Variants in ELMO1 observed in about 807,000 individuals in gnomAD.
ELMO1 encodes engulfment and cell motility 1.
ELMO1 carries 26 observed loss-of-function variants against 98.9 expected under a neutral mutation model. The observed-to-expected ratio is 0.26, with a 90% CI of 0.19 to 0.36. The LOEUF (loss-of-function observed/expected upper bound fraction) is 0.36. Among genes scored for constraint, ELMO1 ranks in the 10% least tolerant of loss-of-function variants. The probability of loss-of-function intolerance (pLI) is 1.00; values close to 1 mark genes in which losing one functional copy is unlikely to be tolerated. For synonymous variants in ELMO1, 346 were observed against 346.0 expected, an observed-to-expected ratio of 1.00 and a Z score of 0.00; for missense variants, 627 against 935.2, an observed-to-expected ratio of 0.67 and a Z score of 4.30.
chr7:37,030,626 G>GA (rs1399163069), intron 15 of ELMO1, among the ~76,000 whole-genome samples: 9 of 152,082 alleles, frequency 5.9e-5, no homozygotes, highest in African/African-American at 2.2e-4. Flanking sequence ...CCTCACAGGG[G>GA]AAAAAAGCAT....
At chr7:36,988,737 T>G (rs185506554) in intron 16 of ELMO1, among the ~76,000 whole-genome samples, 107 of 152,286 alleles carry the variant, frequency 7.0e-4, no homozygotes, top group Non-Finnish European at 1.3e-3. Context: ...CAACATGGCA[T>G]CTTTGAAAAT....
chr7:37,174,089 C>T (rs1463926966), intron 13 of ELMO1, among the ~76,000 whole-genome samples: 1 of 152,194 alleles, frequency 6.6e-6, no homozygotes, highest in Non-Finnish European at 1.5e-5. Context: ...TAAATGAAAC[C>T]ATGACTGGGG....
intron 2 of ELMO1, among the ~76,000 whole-genome samples, chr7:37,331,327 G>A (rs902361358): frequency 1.2e-4 from 7 of 58,498 alleles, no homozygotes; most frequent in Admixed American, 6.6e-4. Context: ...CAGCCGCCAC[G>A]CCTGGCTTTT....
intron 4 of ELMO1, among the ~76,000 whole-genome samples, chr7:37,293,554 C>T (rs1313000113): frequency 1.8e-5 from 2 of 112,520 alleles, no homozygotes; most frequent in African/African-American, 5.8e-5. Context: ...ACTCCCTAAT[C>T]TCAAGTACCC....
chr7:37,182,462 CTTTTTTTT>C lies in ELMO1; in HGVS notation c.1086+28916_1086+28923del, dbSNP rs59657539. On this transcript the variant is annotated intron_variant, in intron 13 of 21. Transcript: ENST00000310758. Reference sequence around the variant, plus strand: ...AGATCATGAGTGCTCTTGTGCTCTACTTTTTTTTTTTTTTTTTTTTTTTTTTGAGACGG... The same window carrying C: ...AGATCATGAGTGCTCTTGTGCTCTACTTTTTTTTTTTTTTTTTTGAGACGG... Among the ~76,000 whole-genome samples, 42 of 14,702 alleles carry C rather than the reference CTTTTTTTT, an allele frequency of 2.9e-3. 3 individuals are homozygous for C. Among genetic ancestry groups the C allele is most frequent in the Admixed American group, 5.1e-3 (7 of 1,364 alleles). 9.6% of individuals were successfully genotyped at this position (14,702 alleles called of 152,430 possible). A position where few individuals can be genotyped will look rare whatever the true frequency, so the allele number is the denominator to read the frequency against.
chr7:37,368,197 G>A (rs1262106283), intron 1 of ELMO1, among the ~76,000 whole-genome samples: 2 of 152,098 alleles, frequency 1.3e-5, no homozygotes, highest in African/African-American at 2.4e-5. Context: ...AAGAAGGGGG[G>A]TGGCAAATTT....
chr7:37,172,280 G>A (rs1044894081), intron 13 of ELMO1, among the ~76,000 whole-genome samples: 1 of 150,690 alleles, frequency 6.6e-6, no homozygotes, highest in Non-Finnish European at 1.5e-5. Context: ...AGGGTTGAGG[G>A]TGGAGAGAGA....
chr7:36,998,203 C>T (rs2129158708), intron 16 of ELMO1, among the ~76,000 whole-genome samples: 1 of 152,278 alleles, frequency 6.6e-6, no homozygotes, highest in East Asian at 1.9e-4. Context: ...TGATGTCTCT[C>T]TTCTTCATCA....
intron 16 of ELMO1, among the ~76,000 whole-genome samples, chr7:36,990,136 G>C (rs10227899): frequency 0.24 from 37,124 of 152,026 alleles, 5,770 homozygotes; most frequent in African/African-American, 0.45. Context: ...AAGAATTTTT[G>C]CATGGGATCT....
intron 16 of ELMO1, among the ~76,000 whole-genome samples, chr7:36,945,342 C>T (rs1468068868): frequency 1.3e-5 from 2 of 152,070 alleles, no homozygotes; most frequent in Non-Finnish European, 2.9e-5. Flanking sequence ...AAAGGGCTTA[C>T]AATACAAATG....
At chr7:36,904,472 C>G (rs1783813762) in intron 16 of ELMO1, among the ~76,000 whole-genome samples, 1 of 152,164 alleles carries the variant, frequency 6.6e-6, no homozygotes, top group East Asian at 1.9e-4. Context: ...TTGGTGTTAG[C>G]CCCCTAAATA....
chr7:36,921,715 C>T (rs13230047), intron 16 of ELMO1, among the ~76,000 whole-genome samples: 2,804 of 152,252 alleles, frequency 0.018, 39 homozygotes, highest in Middle Eastern at 0.079. Flanking sequence ...CCAAAATGCT[C>T]TTCAGTGAAG....
In ELMO1 at chr7:37,216,215, C is replaced by G. The variant is rs543328268; in HGVS notation, c.831+430G>C. On this transcript the variant is annotated intron_variant, in intron 11 of 21. Transcript: ENST00000310758. ...GCTCCTATCTATATCTTTCCTTCCT[C>G]TCTCTTGCATGCGGGCCCCCAAAAC... Among the ~76,000 whole-genome samples, 6 of 151,838 alleles carry G rather than the reference C, an allele frequency of 4.0e-5. No homozygotes were observed. The East Asian group carries it at 1.2e-3, about 29-fold the overall frequency.
chr7:36,933,928 A>T (rs1786275159), intron 16 of ELMO1, among the ~76,000 whole-genome samples: 1 of 152,192 alleles, frequency 6.6e-6, no homozygotes, highest in Non-Finnish European at 1.5e-5. Context: ...TACAGCAATT[A>T]TTTACTGAGT....
At chr7:37,421,752 A>T (rs1804482230) in intron 1 of ELMO1, among the ~76,000 whole-genome samples, 1 of 152,240 alleles carries the variant, frequency 6.6e-6, no homozygotes, top group African/African-American at 2.4e-5. Flanking sequence ...ATTTCTGAAT[A>T]TTCTTCCAAC....
intron 13 of ELMO1, among the ~76,000 whole-genome samples, chr7:37,172,731 T>C (rs926713808): frequency 2.0e-5 from 3 of 152,204 alleles, no homozygotes; most frequent in African/African-American, 7.2e-5. Context: ...GATTTCCAAG[T>C]AGTACATTTA....
intron 13 of ELMO1, 149 bp from the exon 14 acceptor site, chr7:37,133,383 CT>C (rs1331890397): frequency 1.8e-6 from 1 of 570,866 alleles, no homozygotes; most frequent in Non-Finnish European, 3.0e-6. Flanking sequence ...CCATGTAAAC[CT>C]ACTGAGGTGG....
intron 1 of ELMO1, among the ~76,000 whole-genome samples, chr7:37,348,090 G>A (rs1043323257): frequency 3.4e-4 from 52 of 152,106 alleles, no homozygotes; most frequent in African/African-American, 1.2e-3. Context: ...GCCGCGGCAG[G>A]CAGGCATTTT....
intron 18 of ELMO1, among the ~76,000 whole-genome samples, chr7:36,885,451 T>C (rs574859566): frequency 1.3e-5 from 2 of 152,290 alleles, no homozygotes; most frequent in African/African-American, 4.8e-5. Context: ...CGCAGTAGAC[T>C]AGAAGGTTAA....
Sources: allele counts gnomAD v4.1 joint callset (sites outside exome capture counted in the v4.1 genomes callset), GRCh38; gene constraint gnomAD v4.1.1; transcripts MANE v1.5; gene names NCBI Gene and HGNC (gene_info 2026-07-23, HGNC 2026-07-21).